Variants in SHROOM2 observed in about 807,000 individuals in gnomAD.
SHROOM2 encodes the protein protein Shroom2.
SHROOM2 carries 33 observed loss-of-function variants against 75.9 expected under a neutral mutation model. The observed-to-expected ratio is 0.43, with a 90% confidence interval of 0.33 to 0.58. The LOEUF (loss-of-function observed/expected upper bound fraction) is 0.58. SHROOM2 is among the 20% of genes least tolerant of loss of function. The pLI is 0.04. For missense variants in SHROOM2, 1,434 were observed against 1,461.2 expected (o/e 0.98, Z 0.30); for synonymous variants, 655 against 663.6 (o/e 0.99, Z 0.20).
At chrX:9,850,454 C>T (rs761427076) in intron 1 of SHROOM2, among the ~76,000 whole-genome samples, 9 of 111,615 alleles carry the variant, frequency 8.1e-5, no homozygotes, top group South Asian at 7.6e-4. Flanking sequence ...CATGAGAGTT[C>T]GCCCTCTCCT....
At chrX:9,886,344 G>A (rs755552465) in intron 2 of SHROOM2, among the ~76,000 whole-genome samples, 2 of 112,118 alleles carry the variant, frequency 1.8e-5, no homozygotes, top group Non-Finnish European at 3.8e-5. Flanking sequence ...CCTGCATTTT[G>A]ACCTCAACCC....
rs755584008 is a variant in SHROOM2, at chrX:9,932,722, C to G, written c.3439C>G (p.Leu1147Val). The change falls in exon 6 of 10, where the codon CTG becomes GTG. Residue 1147 changes from leucine (L) to valine (V), a missense_variant. This residue lies in a region of SHROOM2 where 1,340 missense variants were observed against 1,338.3 expected (regional missense o/e 1.00). Transcript: ENST00000380913. ...TGTGAGCGGGGACGCATCACGTCCT[C>G]TGCCAGAAGCACTGCTCCCTCCCAA... ...QHVSGDASRP[L>V]PEALLPPKQQ... is the part of the protein sequence containing the mutation. 7 of 1,211,338 alleles carry G rather than the reference C, an allele frequency of 5.8e-6. No individual in the cohort carries two copies. The highest frequency in any genetic ancestry group is 6.7e-6 in the Non-Finnish European group (6 of 895,623).
chrX:9,795,767 T>G (rs2083692075), intron 1 of SHROOM2, among the ~76,000 whole-genome samples: 1 of 109,972 alleles, frequency 9.1e-6, no homozygotes, highest in Non-Finnish European at 1.9e-5. Context: ...GGCGGCCATG[T>G]TTTTGTCAGA....
intron 5 of SHROOM2, among the ~76,000 whole-genome samples, chrX:9,921,939 A>G (rs2239425): frequency 0.33 from 36,528 of 111,154 alleles, 4,847 homozygotes; most frequent in African/African-American, 0.49. Context: ...ATGTCGTAGT[A>G]AACATGTGAG....
chrX:9,944,089 C>T (rs1031965478), intron 8 of SHROOM2, among the ~76,000 whole-genome samples: 2 of 110,876 alleles, frequency 1.8e-5, no homozygotes, highest in Non-Finnish European at 3.8e-5. Context: ...GGCTGAGGCA[C>T]GAGAATTGCT....
At chrX:9,853,893 G>T (rs927476057) in intron 1 of SHROOM2, among the ~76,000 whole-genome samples, 1 of 112,330 alleles carries the variant, frequency 8.9e-6, no homozygotes, top group African/African-American at 3.2e-5. Flanking sequence ...AATCATACTT[G>T]TGACCCCACC....
At chrX:9,786,731 G>C (rs2083615482) in intron 1 of SHROOM2, 21 bp downstream of exon 1, 1 of 876,384 alleles carries the variant, frequency 1.1e-6, no homozygotes, top group Non-Finnish European at 1.4e-6. Context: ...CGCGGGGCGC[G>C]GGCGCTGACA....
intron 5 of SHROOM2, among the ~76,000 whole-genome samples, chrX:9,906,906 A>G (rs917618085): frequency 1.8e-5 from 2 of 112,767 alleles, no homozygotes; most frequent in Non-Finnish European, 1.9e-5. Flanking sequence ...AGAGGAACAT[A>G]GTGTCCCTGC....
At chrX:9,788,939 T>C (rs2083632074) in intron 1 of SHROOM2, among the ~76,000 whole-genome samples, 1 of 111,124 alleles carries the variant, frequency 9.0e-6, no homozygotes, top group African/African-American at 3.3e-5. Context: ...TGAATCTCTT[T>C]TGTTAGATTA....
intron 1 of SHROOM2, among the ~76,000 whole-genome samples, chrX:9,822,455 G>A (rs1396230576): frequency 8.9e-6 from 1 of 112,790 alleles, no homozygotes; most frequent in African/African-American, 3.2e-5. Context: ...GGAGGAATTA[G>A]GAAGCCTTGT....
chrX:9,930,515 A>AAAG (rs1437148780), intron 5 of SHROOM2, among the ~76,000 whole-genome samples: 5 of 102,608 alleles, frequency 4.9e-5, no homozygotes, highest in African/African-American at 1.9e-4. Flanking sequence ...TCAAAAAAAA[A>AAAG]AAAAGAAAAG....
intron 1 of SHROOM2, among the ~76,000 whole-genome samples, chrX:9,808,165 A>G (rs1171010585): frequency 9.0e-6 from 1 of 111,003 alleles, no homozygotes; most frequent in Non-Finnish European, 1.9e-5. Context: ...TCTCAGATTA[A>G]AGGTGTGCTG....
rs771923047 is a variant in SHROOM2, at chrX:9,806,063, C to T, written c.165+19353C>T. ...TCCTACAAACCAGGAAGTAGGTCCA[C>T]AGCAGACACTGAATCCGCCATGTCT... On this transcript the variant is annotated intron_variant, in intron 1 of 9. Transcript: ENST00000380913. Among the ~76,000 whole-genome samples, 11 of 111,275 alleles carry T rather than the reference C, an allele frequency of 9.9e-5. No homozygotes were observed. In the East Asian group the frequency reaches 3.1e-3, roughly 31 times the overall value.
intron 1 of SHROOM2, among the ~76,000 whole-genome samples, chrX:9,808,030 G>A (rs1384583445): frequency 1.8e-5 from 2 of 111,764 alleles, no homozygotes; most frequent in East Asian, 2.8e-4. Flanking sequence ...GCCTGGCACC[G>A]CAGGGAGAAC....
At chrX:9,867,538 C>G (rs1245020589) in intron 1 of SHROOM2, among the ~76,000 whole-genome samples, 5 of 111,731 alleles carry the variant, frequency 4.5e-5, no homozygotes, top group Non-Finnish European at 9.4e-5. Context: ...GCTTCCTTAC[C>G]TTGTAGACCT....
chrX:9,945,249 C>T (rs1228649802), intron 9 of SHROOM2, among the ~76,000 whole-genome samples: 1 of 110,434 alleles, frequency 9.1e-6, no homozygotes, highest in African/African-American at 3.3e-5. Context: ...GCTGAGCTCC[C>T]AGGTGCATGC....
chrX:9,922,200 C>T (rs2084552064), intron 5 of SHROOM2, among the ~76,000 whole-genome samples: 1 of 110,992 alleles, frequency 9.0e-6, no homozygotes, highest in Non-Finnish European at 1.9e-5. Flanking sequence ...ACTACAGGTG[C>T]ATGCCACCAT....
rs61733859 is a variant in SHROOM2 at position 9,895,904 on chromosome X, G to A, written c.1996G>A (p.Gly666Arg). 9 of 1,196,464 alleles carry A rather than the reference G, an allele frequency of 7.5e-6. No individual in the cohort carries two copies. Among genetic ancestry groups the A allele is most frequent in the East Asian group, 6.0e-5 (2 of 33,415 alleles). ...GGATGGCACCGGCCGCTGGAGGGCC[G>A]GGTTGGGAGGTGGCACCCAGGAAGG... ...AEDGTGRWRAGLGGGTQEGPL... is the reference protein window; with the variant it reads ...AEDGTGRWRARLGGGTQEGPL... The change falls in exon 4 of 10, where the codon GGG (glycine) becomes AGG (arginine). Residue 666 changes from glycine to arginine, a missense_variant. Transcript: ENST00000380913.
chrX:9,894,508 G>C lies in SHROOM2; in HGVS notation c.600G>C (p.Leu200=). ...VAKSNSSIDH[L]GSHSKRDSAY... is the part of the protein sequence containing the mutation. Reference sequence around the variant, plus strand: ...AGTCCAACAGCAGCATCGACCACCTGGGCAGCCACAGCAAGCGCGACTCGG... The same window carrying C: ...AGTCCAACAGCAGCATCGACCACCTCGGCAGCCACAGCAAGCGCGACTCGG... The change falls in exon 4 of 10, where the codon CTG becomes CTC. Residue 200 remains leucine, a synonymous_variant. Coordinates refer to ENST00000380913, the MANE Select transcript of SHROOM2 (RefSeq NM_001649.4). The C allele has an allele frequency of 1.7e-6, 2 of 1,211,196 alleles. No homozygotes were observed. The highest frequency in any genetic ancestry group is 2.2e-6 in the Non-Finnish European group (2 of 895,404).
Sources: gnomAD v4.1 joint callset for allele counts (sites outside exome capture counted in the v4.1 genomes callset) on GRCh38, gnomAD v4.1.1 for gene constraint, gnomAD v4.1.1 regional missense constraint, MANE v1.5 for transcripts, NCBI Gene and HGNC (gene_info 2026-07-23, HGNC 2026-07-21) for gene names.